MTIF3: variants seen among roughly 807,000 people sequenced by gnomAD.
The protein encoded by MTIF3 is mitochondrial translational initiation factor 3.
A neutral mutation model predicts 20.7 loss-of-function variants in MTIF3; 13 were observed. That is an observed-to-expected ratio of 0.63 (90% confidence interval 0.41 to 1.00). The LOEUF (loss-of-function observed/expected upper bound fraction) is 1.00. Ranked by LOEUF, MTIF3 falls within the 50% of genes least tolerant of loss-of-function variation. The pLI is 0.00. For synonymous variants in MTIF3, 114 were observed against 112.5 expected (o/e 1.01, Z -0.08); for missense variants, 295 against 324.5 (o/e 0.91, Z 0.70).
Position 27,437,269 on chromosome 13 carries a change from T to C in MTIF3, c.465A>G (p.Pro155=). Residue 155 remains proline (P), a synonymous_variant, in exon 4 of 5, where the codon CCA becomes CCG. Coordinates refer to ENST00000381120, the MANE Select transcript of MTIF3 (RefSeq NM_152912.5). ...EMEKANPKTG[P]TLRKELILSS... ...ACAAAATCAGTTCCTTTCTCAGGGT[T>C]GGTCCTGGTTTGAAACAGATAGGGT... is the stretch of plus-strand genomic sequence containing the variant. 2.5e-6 allele frequency: 4 copies of C among 1,613,270 alleles called. No homozygotes were observed. Among genetic ancestry groups the C allele is most frequent in the Non-Finnish European group, 2.5e-6 (3 of 1,179,940 alleles).
chr13:27,437,295 G>A (rs760347080), intron 3 of MTIF3, 22 bp from the exon 4 acceptor site: 2 of 1,610,338 alleles, frequency 1.2e-6, no homozygotes, highest in Non-Finnish European at 8.5e-7. Context: ...CAGATAGGGT[G>A]CAAGGACTAC....
chr13:27,450,331 A>G (rs1340161311), intron 1 of MTIF3, 178 bp downstream of exon 1: 2 of 150,214 alleles, frequency 1.3e-5, no homozygotes, highest in East Asian at 3.9e-4. Flanking sequence ...ATGGCTTTAC[A>G]GCCCGGCAGA....
At chr13:27,439,861 G>A in intron 3 of MTIF3, 128 bp downstream of exon 3, 1 of 769,364 alleles carries the variant, frequency 1.3e-6, no homozygotes, top group Non-Finnish European at 2.1e-6. Context: ...ACTGGGAATG[G>A]TGGTTGAATC....
In MTIF3 at chr13:27,439,978, A is replaced by C. The variant is rs1953937183; in HGVS notation, c.460+11T>G. On this transcript the variant is annotated intron_variant, in intron 3 of 4. Transcript: ENST00000381120. The stretch of plus-strand genomic sequence containing the variant: ...TTAAAGGATTCAGGGAGCCAACAGC[A>C]AAATACCTACCAGTTTTGGGGTTCG... 6.2e-7 allele frequency: 1 copy of C among 1,610,812 alleles called. No individual in the cohort carries two copies. Among genetic ancestry groups the C allele is most frequent in the African/African-American group, 1.3e-5 (1 of 74,880 alleles).
At position 27,442,151 on chromosome 13, in the gene MTIF3, T is replaced by C. The variant is rs539312249; in HGVS notation, c.-1-1702A>G. 3.9e-5 allele frequency among the ~76,000 whole-genome samples: 6 copies of C among 152,326 alleles called. No individual in the cohort carries two copies. In the South Asian group the frequency reaches 1.2e-3, roughly 32 times the overall value. On this transcript the variant is annotated intron_variant, in intron 2 of 4. Coordinates refer to ENST00000381120, the MANE Select transcript of MTIF3 (RefSeq NM_152912.5). ...TCAAAGTTCAATGCTTTGCCTTCCA[T>C]GCAAAACTTGCTCCTCCCTCAGTCT...
chr13:27,435,741 G>A lies in MTIF3; in HGVS notation c.771C>T (p.Thr257=). The A allele has an allele frequency of 1.9e-6, 3 of 1,613,880 alleles. No individual in the cohort carries two copies. The highest frequency in any genetic ancestry group is 1.7e-6 in the Non-Finnish European group (2 of 1,179,922). ...CTTTGTTCAAAGTGTCTCTTTCCTGGGTCTCTTGAGTTTCTTTATATGCCT... is the reference window on the plus strand; with the variant it reads ...CTTTGTTCAAAGTGTCTCTTTCCTGAGTCTCTTGAGTTTCTTTATATGCCT... ...EEKAYKETQE[T]QERDTLNKDH... The change falls in exon 5 of 5, where the codon ACC becomes ACT. Residue 257 remains threonine (T), a synonymous_variant. Transcript: ENST00000381120.
chr13:27,445,920 G>C (rs1384764705), intron 1 of MTIF3, among the ~76,000 whole-genome samples: 1 of 151,918 alleles, frequency 6.6e-6, no homozygotes, highest in Non-Finnish European at 1.5e-5. Context: ...GGAATGAAAA[G>C]GGAAGAGGGA....
Position 27,440,141 on chromosome 13 carries a change from G to T in MTIF3, c.308C>A (p.Ala103Glu), listed in dbSNP as rs1242866530. 1 of 1,614,158 alleles carries T rather than the reference G, an allele frequency of 6.2e-7. No homozygotes were observed. The highest frequency in any genetic ancestry group is 8.5e-7 in the Non-Finnish European group (1 of 1,180,032). Residue 103 changes from alanine (A) to glutamate (E), a missense_variant, in exon 3 of 5, where the codon GCA becomes GAA. By Grantham distance (107) the Ala-to-Glu change is moderately radical. Coordinates refer to ENST00000381120, the MANE Select transcript of MTIF3 (RefSeq NM_152912.5). ...KGNDLGNMHR[A>E]NVIRLMDERD... The stretch of plus-strand genomic sequence containing the variant: ...CTCATCCATAAGTCTAATCACATTT[G>T]CTCGGTGCATGTTTCCCAAATCATT...
chr13:27,438,522 T>C (rs1953878982), intron 3 of MTIF3, among the ~76,000 whole-genome samples: 1 of 135,618 alleles, frequency 7.4e-6, no homozygotes, highest in Non-Finnish European at 1.5e-5. Context: ...ACACAGGGTC[T>C]CGCTCTGTCA....
Position 27,444,908 on chromosome 13 carries a change from C to T in MTIF3, c.-2+180G>A, listed in dbSNP as rs189301309. ...CAGTTTGGCAGCATGAAGAGACTCC[C>T]ACTGGTCAATTTTGGTGTAATTTAA... is the stretch of plus-strand genomic sequence containing the variant. On this transcript the variant is annotated intron_variant, in intron 2 of 4. Transcript: ENST00000381120. Among the ~76,000 whole-genome samples the T allele has an allele frequency of 2.0e-4, 30 of 152,286 alleles. 1 individual carries two copies. The East Asian group carries it at 3.9e-3, about 20-fold the overall frequency.
chr13:27,439,000 T>C (rs866421351), intron 3 of MTIF3, among the ~76,000 whole-genome samples: 11 of 152,192 alleles, frequency 7.2e-5, no homozygotes, highest in African/African-American at 1.4e-4. Flanking sequence ...GCGCCATCCA[T>C]TGAACTTTCA....
chr13:27,446,721 A>C lies in MTIF3; in HGVS notation c.-70-1565T>G, dbSNP rs150203508. 2.5e-3 allele frequency among the ~76,000 whole-genome samples: 382 copies of C among 152,350 alleles called. 1 individual carries two copies. The highest frequency in any genetic ancestry group is 8.5e-3 in the African/African-American group (355 of 41,568). On this transcript the variant is annotated intron_variant, in intron 1 of 4. Transcript: ENST00000381120. ...TCAAGCCTATATCTAAGTGACCCAT[A>C]AATAAGGAACTTTATAAACTTAAAA...
At chr13:27,448,288 T>C (rs1954244984) in intron 1 of MTIF3, among the ~76,000 whole-genome samples, 2 of 152,250 alleles carry the variant, frequency 1.3e-5, no homozygotes, top group African/African-American at 4.8e-5. Flanking sequence ...TACTGTTATC[T>C]GTTCTTTCCT....
chr13:27,450,110 C>G (rs1403136840), intron 1 of MTIF3: 1 of 152,332 alleles, frequency 6.6e-6, no homozygotes, highest in Non-Finnish European at 1.5e-5. Flanking sequence ...AGCCCCCGAC[C>G]CGGTTGTTGG....
At chr13:27,436,330 C>T (rs569901947) in intron 4 of MTIF3, among the ~76,000 whole-genome samples, 12 of 152,050 alleles carry the variant, frequency 7.9e-5, no homozygotes, top group South Asian at 6.2e-4. Flanking sequence ...AGCTGGGTTG[C>T]GACCTATGCT....
chr13:27,440,917 T>C (rs1174790706), intron 2 of MTIF3: 1 of 170,478 alleles, frequency 5.9e-6, no homozygotes, highest in Non-Finnish European at 1.3e-5. Flanking sequence ...AACACATATT[T>C]TGTATGCCAT....
chr13:27,446,595 G>A (rs574017849), intron 1 of MTIF3, among the ~76,000 whole-genome samples: 3 of 152,314 alleles, frequency 2.0e-5, no homozygotes, highest in East Asian at 3.9e-4. Context: ...TAATGCCAAT[G>A]TAACTATTCT....
At position 27,440,038 on chromosome 13, in the gene MTIF3, G is replaced by A; in HGVS notation, c.411C>T (p.Leu137=). 1 of 1,614,206 alleles carries A rather than the reference G, an allele frequency of 6.2e-7. No individual in the cohort carries two copies. Among genetic ancestry groups the A allele is most frequent in the Non-Finnish European group, 8.5e-7 (1 of 1,180,040 alleles). The part of the protein sequence containing the change: ...EYQLMTGLQI[L]QERQRLREME... ...TCTCCCTCAGCCTCTGCCGCTCCTG[G>A]AGGATCTGCAATCCTGTCATGAGCT... Residue 137 remains leucine, a synonymous_variant, in exon 3 of 5, where the codon CTC becomes CTT. Transcript: ENST00000381120.
intron 1 of MTIF3, among the ~76,000 whole-genome samples, chr13:27,447,380 G>A (rs9507896): frequency 1.9e-3 from 289 of 152,098 alleles, no homozygotes; most frequent in Non-Finnish European, 3.1e-3. Flanking sequence ...ACAACACTAG[G>A]CTGAAGAGGC....
Sources: allele counts gnomAD v4.1 joint callset (sites outside exome capture counted in the v4.1 genomes callset), GRCh38; gene constraint gnomAD v4.1.1; transcripts MANE v1.5; gene names NCBI Gene and HGNC (gene_info 2026-07-23, HGNC 2026-07-21).